Variants in LINGO2 observed in about 807,000 individuals in gnomAD.
LINGO2 encodes leucine-rich repeat and immunoglobulin-like domain-containing nogo receptor-interacting protein 2.
In LINGO2, 14 loss-of-function variants were observed where a neutral mutation model predicts 30.6. The observed-to-expected ratio is 0.46, with a 90% CI of 0.30 to 0.72. The LOEUF (loss-of-function observed/expected upper bound fraction) is 0.72, where lower values mean the gene tolerates loss of function less well. LINGO2 is among the 30% of genes least tolerant of loss of function. LINGO2 has a pLI of 0.07. For missense variants in LINGO2, 729 were observed against 751.7 expected (o/e 0.97, Z 0.35); for synonymous variants, 317 against 288.5 (o/e 1.10, Z -1.00).
chr9:28,179,013 A>G (rs915912519), intron 4 of LINGO2, among the ~76,000 whole-genome samples: 1 of 152,068 alleles, frequency 6.6e-6, no homozygotes, highest in African/African-American at 2.4e-5. Context: ...TCAAAGGATA[A>G]TATAGTTTTT....
intron 1 of LINGO2, among the ~76,000 whole-genome samples, chr9:28,495,756 T>G (rs181513079): frequency 6.6e-5 from 10 of 152,270 alleles, no homozygotes; most frequent in South Asian, 2.1e-4. Flanking sequence ...ATGTTAGGGT[T>G]TCAATTTTAG....
At chr9:27,975,850 A>G (rs1392749208) in intron 5 of LINGO2, among the ~76,000 whole-genome samples, 2 of 152,100 alleles carry the variant, frequency 1.3e-5, no homozygotes, top group South Asian at 2.1e-4. Context: ...TCCATTTTAA[A>G]AAGTATATAT....
At chr9:27,971,890 T>C (rs976257681) in intron 5 of LINGO2, among the ~76,000 whole-genome samples, 2 of 152,170 alleles carry the variant, frequency 1.3e-5, no homozygotes, top group Admixed American at 1.3e-4. Context: ...CACATGAATA[T>C]TATATTTAGA....
intron 1 of LINGO2, among the ~76,000 whole-genome samples, chr9:28,636,576 G>A (rs1275477602): frequency 6.6e-6 from 1 of 152,194 alleles, no homozygotes; most frequent in Non-Finnish European, 1.5e-5. Context: ...GATGGCCAGT[G>A]AGGATAAGCA....
At chr9:27,986,916 C>G (rs1158772055) in intron 5 of LINGO2, among the ~76,000 whole-genome samples, 3 of 151,900 alleles carry the variant, frequency 2.0e-5, no homozygotes, top group East Asian at 2.0e-4. Flanking sequence ...AGGGCTGGCT[C>G]CCTGCACATC....
chr9:28,149,169 G>C, intron 4 of LINGO2: 4 of 1,369,484 alleles, frequency 2.9e-6, no homozygotes, highest in East Asian at 2.5e-5. Flanking sequence ...AAATTCAGGA[G>C]AGTAAGAGAG....
chr9:28,632,199 C>T (rs894824986), intron 1 of LINGO2, among the ~76,000 whole-genome samples: 2 of 152,020 alleles, frequency 1.3e-5, no homozygotes, highest in Admixed American at 6.6e-5. Flanking sequence ...ACATGGCAAA[C>T]TCAAGGAAGT....
At chr9:27,956,146 G>C (rs1819559190) in intron 5 of LINGO2, among the ~76,000 whole-genome samples, 1 of 152,050 alleles carries the variant, frequency 6.6e-6, no homozygotes, top group African/African-American at 2.4e-5. Flanking sequence ...TCTCCGTGTT[G>C]GTCAGGCTGG....
At chr9:28,291,217 G>A (rs568803043) in intron 4 of LINGO2, among the ~76,000 whole-genome samples, 6 of 152,210 alleles carry the variant, frequency 3.9e-5, no homozygotes, top group Non-Finnish European at 8.8e-5. Flanking sequence ...CTGCTTCTTT[G>A]GAACCCAAAC....
chr9:28,548,842 A>T (rs1822107338), intron 1 of LINGO2, among the ~76,000 whole-genome samples: 2 of 151,906 alleles, frequency 1.3e-5, no homozygotes, highest in South Asian at 4.1e-4. Context: ...ACTTCGTTTA[A>T]CAACTTCACC....
chr9:29,151,114 T>G, the LINGO2 span, among the ~76,000 whole-genome samples: 1 of 151,836 alleles, frequency 6.6e-6, no homozygotes, highest in Non-Finnish European at 1.5e-5. Flanking sequence ...TTTACAGCAT[T>G]GTTATGAAAA....
chr9:28,199,807 G>C lies in LINGO2; in HGVS notation c.-87+95401C>G, dbSNP rs139778519. 3.7e-4 allele frequency among the ~76,000 whole-genome samples: 57 copies of C among 152,094 alleles called. No homozygotes were observed. In the East Asian group the frequency reaches 9.3e-3, roughly 25 times the overall value. On this transcript the variant is annotated intron_variant, in intron 4 of 5. Transcript: ENST00000379992. ...GAGAAGTAGTACATATCATTCTAGT[G>C]AATATAATACATGACCAATACATTG...
chr9:28,659,158 TA>T (rs1333215493), intron 1 of LINGO2, among the ~76,000 whole-genome samples: 1 of 152,084 alleles, frequency 6.6e-6, no homozygotes, highest in Non-Finnish European at 1.5e-5. Flanking sequence ...GCACTGACAC[TA>T]ACTTTTAGCT....
At chr9:28,708,778 T>TATCTATCTATCTATCTATCTATCTATC in the LINGO2 span, among the ~76,000 whole-genome samples, 5 of 152,028 alleles carry the variant, frequency 3.3e-5, no homozygotes, top group African/African-American at 1.2e-4. Context: ...TCTATCTATC[T>TATCTATCTATCTATCTATCTATCTATC]ATCTATCTAT....
chr9:28,547,661 G>C (rs181182352), intron 1 of LINGO2, among the ~76,000 whole-genome samples: 3 of 152,218 alleles, frequency 2.0e-5, no homozygotes, highest in Non-Finnish European at 4.4e-5. Flanking sequence ...ATGAAATACA[G>C]TGCTAACAAA....
intron 1 of LINGO2, among the ~76,000 whole-genome samples, chr9:28,484,303 A>G (rs906435725): frequency 6.6e-6 from 1 of 152,022 alleles, no homozygotes; most frequent in African/African-American, 2.4e-5. Flanking sequence ...CCAAGAATGG[A>G]GCTTGAAACA....
chr9:28,012,221 A>T (rs1371598903), intron 5 of LINGO2: 1 of 151,782 alleles, frequency 6.6e-6, no homozygotes, highest in African/African-American at 2.4e-5. Context: ...GGAAACTGAG[A>T]AGCATGTATA....
the LINGO2 span, among the ~76,000 whole-genome samples, chr9:28,917,025 C>T: frequency 4.6e-5 from 7 of 152,228 alleles, no homozygotes; most frequent in South Asian, 2.1e-4. Flanking sequence ...TTCCCACATC[C>T]GTTGCTGCAT....
intron 5 of LINGO2, among the ~76,000 whole-genome samples, chr9:27,999,435 T>TGA (rs1156717819): frequency 0.015 from 1,568 of 103,000 alleles, 28 homozygotes; most frequent in African/African-American, 0.056. Context: ...TGCCTAATCT[T>TGA]CAGAGAGAGA....
Sources: allele counts gnomAD v4.1 joint callset (sites outside exome capture counted in the v4.1 genomes callset), GRCh38; gene constraint gnomAD v4.1.1; transcripts MANE v1.5; gene names NCBI Gene and HGNC (gene_info 2026-07-23, HGNC 2026-07-21).